FAM83F: variants seen among roughly 807,000 people sequenced by gnomAD.
The protein encoded by FAM83F is protein FAM83F.
A neutral mutation model predicts 42.9 loss-of-function variants in FAM83F; 45 were observed. The ratio of observed to expected loss-of-function variants is 1.05; its 90% CI spans 0.83 to 1.35. The LOEUF (loss-of-function observed/expected upper bound fraction) is 1.35. Ranked by LOEUF, FAM83F falls within the 40% of genes most tolerant of loss-of-function variation. FAM83F has a pLI of 0.00. For synonymous variants in FAM83F, 306 were observed against 298.3 expected, an observed-to-expected ratio of 1.03 and a Z score of -0.27; for missense variants, 617 against 695.9, an observed-to-expected ratio of 0.89 and a Z score of 1.28.
At chr22:40,007,159 A>C (rs182336132) in intron 1 of FAM83F, among the ~76,000 whole-genome samples, 270 of 150,256 alleles carry the variant, frequency 1.8e-3, no homozygotes, top group African/African-American at 6.5e-3. Flanking sequence ...GAGGAAGTTA[A>C]AGGGGTGCTC....
At position 40,005,160 on chromosome 22, in the gene FAM83F, A is replaced by G. The variant is rs557815827; in HGVS notation, c.489+9629A>G. ...TCAGCACCTCCCAGGCAAACTGCCA[A>G]CTCCATTTGTCTTACCCTGATAGAT... On this transcript the variant is annotated intron_variant, in intron 1 of 4. Coordinates refer to ENST00000333407, the MANE Select transcript of FAM83F (RefSeq NM_138435.4). Among the ~76,000 whole-genome samples the G allele has an allele frequency of 1.6e-3, 244 of 152,216 alleles. 1 individual carries two copies. Among genetic ancestry groups the G allele is most frequent in the African/African-American group, 5.6e-3 (233 of 41,534 alleles).
chr22:40,011,326 A>G (rs1377359650), intron 1 of FAM83F, among the ~76,000 whole-genome samples: 1 of 152,078 alleles, frequency 6.6e-6, no homozygotes, highest in Non-Finnish European at 1.5e-5. Flanking sequence ...CTGGGATTAC[A>G]GGTGTGCGCC....
At chr22:40,028,848 T>G (rs1373996420) in intron 4 of FAM83F, among the ~76,000 whole-genome samples, 2 of 152,240 alleles carry the variant, frequency 1.3e-5, no homozygotes, top group Non-Finnish European at 2.9e-5. Flanking sequence ...CAGCCTTTCC[T>G]GAGGCGCCAG....
In FAM83F at chr22:40,021,649, C is replaced by T. The variant is rs375725780; in HGVS notation, c.1139C>T (p.Thr380Met). ...RLESFLKDLV[T>M]VEQVLPPVEP... The stretch of plus-strand genomic sequence containing the variant: ...GAGAGCTTCCTGAAAGACCTGGTTA[C>T]GGTGGAGCAGGTGCTGCCCCCCGTG... The change falls in exon 4 of 5, where the codon ACG becomes ATG. Residue 380 changes from threonine to methionine, a missense_variant. Transcript: ENST00000333407. The surrounding 1 kb of genome is among the most constrained non-coding windows in gnomAD (Gnocchi z 8.7). The T allele has an allele frequency of 2.7e-5, 44 of 1,605,232 alleles. No individual in the cohort carries two copies. The highest frequency in any genetic ancestry group is 9.0e-5 in the East Asian group (4 of 44,650).
chr22:40,021,566 C>T lies in FAM83F; in HGVS notation c.1056C>T (p.Gly352=), dbSNP rs763939183. ...RWAARQQREA[G]GNPEGQEEGA... ...CTGCCCGGCAACAGCGGGAGGCGGG[C>T]GGCAACCCGGAGGGGCAGGAGGAGG... Residue 352 remains glycine (G), a synonymous_variant, in exon 4 of 5, where the codon GGC becomes GGT. Coordinates refer to ENST00000333407, the MANE Select transcript of FAM83F (RefSeq NM_138435.4). This position sits in a 1 kb window ranked among gnomAD's most constrained non-coding sequence, Gnocchi z 8.7. 7 of 1,562,354 alleles carry T rather than the reference C, an allele frequency of 4.5e-6. No homozygotes were observed. Among genetic ancestry groups the T allele is most frequent in the African/African-American group, 1.4e-5 (1 of 73,250 alleles).
intron 1 of FAM83F, among the ~76,000 whole-genome samples, chr22:40,004,671 C>A (rs1382035602): frequency 6.6e-6 from 1 of 152,166 alleles, no homozygotes; most frequent in Non-Finnish European, 1.5e-5. Flanking sequence ...CTCCTGACCT[C>A]AAGTGATCCA....
At chr22:40,006,213 C>T (rs2067427704) in intron 1 of FAM83F, among the ~76,000 whole-genome samples, 1 of 151,402 alleles carries the variant, frequency 6.6e-6, no homozygotes, top group Non-Finnish European at 1.5e-5. Flanking sequence ...GCACTCCAGC[C>T]TGGGCAACAG....
At position 40,015,742 on chromosome 22, in the gene FAM83F, A is replaced by G. The variant is rs181210305; in HGVS notation, c.490-3426A>G. On this transcript the variant is annotated intron_variant, in intron 1 of 4. Coordinates refer to ENST00000333407, the MANE Select transcript of FAM83F (RefSeq NM_138435.4). ...GTCTTATCCTCCCCTGGCTAGAAGT[A>G]ATCTCTCCGCTCACCCACTCACCCC... 1.2e-3 allele frequency among the ~76,000 whole-genome samples: 176 copies of G among 152,310 alleles called. 2 individuals are homozygous for G. Among genetic ancestry groups the G allele is most frequent in the African/African-American group, 4.0e-3 (165 of 41,566 alleles).
rs577843447 is a variant in FAM83F, at chr22:40,040,614, G to C, written c.*11049G>C. ...ATTTAGAAGGTGAGACAGACACAAG[G>C]GATGTGTTGCACAGTAAATGCTCCC... On this transcript the variant is annotated 3_prime_UTR_variant, in exon 5 of 5. Transcript: ENST00000333407. 1 of 152,202 alleles carries C rather than the reference G, an allele frequency of 6.6e-6. No individual in the cohort carries two copies. Among genetic ancestry groups the C allele is most frequent in the Non-Finnish European group, 1.5e-5 (1 of 68,040 alleles). The allele number at this position is 152,202 out of a possible 1,614,324, so 9.4% of individuals were successfully genotyped here. A position where few individuals can be genotyped will look rare whatever the true frequency, so the allele number is the denominator to read the frequency against.
At chr22:40,002,914 C>T (rs983615873) in intron 1 of FAM83F, among the ~76,000 whole-genome samples, 10 of 152,242 alleles carry the variant, frequency 6.6e-5, no homozygotes, top group Admixed American at 3.3e-4. Flanking sequence ...GAGATATTTT[C>T]CCTGAGGCTC....
At position 40,033,778 on chromosome 22, in the gene FAM83F, T is replaced by C. The variant is rs1047861695; in HGVS notation, c.*4213T>C. 6.6e-6 allele frequency: 1 copy of C among 152,258 alleles called. No homozygotes were observed. Among genetic ancestry groups the C allele is most frequent in the Non-Finnish European group, 1.5e-5 (1 of 68,070 alleles). The allele number at this position is 152,258 out of a possible 1,614,324, so 9.4% of individuals were successfully genotyped here. The stretch of plus-strand genomic sequence containing the variant: ...AATGCACTCTCTGCCCTGGGTACCT[T>C]GGACACAGCACCCTGGCCCAGAGAG... On this transcript the variant is annotated 3_prime_UTR_variant, in exon 5 of 5. Transcript: ENST00000333407.
intron 3 of FAM83F, 48 bp downstream of exon 3, chr22:40,020,056 G>T (rs759971816): frequency 2.2e-5 from 35 of 1,574,286 alleles, no homozygotes; most frequent in Admixed American, 3.8e-5. Flanking sequence ...TTGATTCCAG[G>T]TAGGTGTTCA....
Position 39,995,037 on chromosome 22 carries a change from G to A in FAM83F, c.-6G>A, listed in dbSNP as rs1033160174. 46 of 1,269,528 alleles carry A rather than the reference G, an allele frequency of 3.6e-5. No individual in the cohort carries two copies. The highest frequency in any genetic ancestry group is 4.3e-5 in the Non-Finnish European group (43 of 1,010,436). The allele number at this position is 1,269,528 out of a possible 1,614,324, so 78.6% of individuals were successfully genotyped here. On this transcript the variant is annotated 5_prime_UTR_variant, in exon 1 of 5. Coordinates refer to ENST00000333407, the MANE Select transcript of FAM83F (RefSeq NM_138435.4). The surrounding 1 kb of genome is among the most constrained non-coding windows in gnomAD (Gnocchi z 4.6). ...GGGCCAGGGCCGGGGCCGGGGCCGG[G>A]GCGCCATGGCCGAGTCCCAGCTGAA...
intron 1 of FAM83F, among the ~76,000 whole-genome samples, chr22:40,011,520 C>G (rs904545857): frequency 6.6e-6 from 1 of 152,170 alleles, no homozygotes; most frequent in Non-Finnish European, 1.5e-5. Context: ...AGTTCACTTT[C>G]CTCTCATTTC....
At chr22:40,022,455 C>A (rs915542616) in intron 4 of FAM83F, among the ~76,000 whole-genome samples, 1 of 152,160 alleles carries the variant, frequency 6.6e-6, no homozygotes, top group Non-Finnish European at 1.5e-5. Context: ...AGGATCTCAC[C>A]TGGTTAGACA....
chr22:39,995,620 G>A lies in FAM83F; in HGVS notation c.489+89G>A, dbSNP rs942482593. 3.5e-6 allele frequency: 5 copies of A among 1,439,626 alleles called. No homozygotes were observed. The highest frequency in any genetic ancestry group is 4.6e-6 in the Non-Finnish European group (5 of 1,097,772). The allele number at this position is 1,439,626 out of a possible 1,614,324, so 89.2% of individuals were successfully genotyped here. A position where few individuals can be genotyped will look rare whatever the true frequency, so the allele number is the denominator to read the frequency against. On this transcript the variant is annotated intron_variant, in intron 1 of 4. Coordinates refer to ENST00000333407, the MANE Select transcript of FAM83F (RefSeq NM_138435.4). The surrounding 1 kb of genome is among the most constrained non-coding windows in gnomAD (Gnocchi z 4.6). ...CACCTCCCAGGCAGGGCCCGGGGCA[G>A]GCCGCCCTGAGCACCCTCTGGAAAA... is the stretch of plus-strand genomic sequence containing the variant.
rs967856270 is a variant in FAM83F, at chr22:40,031,002, C to G, written c.*1437C>G. On this transcript the variant is annotated 3_prime_UTR_variant, in exon 5 of 5. Transcript: ENST00000333407. ...TTCTGAGGAAGCAGGAAGTGGGGAC[C>G]ACATGTGGCGGCCATTGAGGAGATG... The G allele has an allele frequency of 6.6e-6, 1 of 152,032 alleles. No homozygotes were observed. The highest frequency in any genetic ancestry group is 1.5e-5 in the Non-Finnish European group (1 of 68,052). The allele number at this position is 152,032 out of a possible 1,614,324, so 9.4% of individuals were successfully genotyped here. A position where few individuals can be genotyped will look rare whatever the true frequency, so the allele number is the denominator to read the frequency against.
At chr22:40,008,729 C>T (rs951012243) in intron 1 of FAM83F, among the ~76,000 whole-genome samples, 5 of 152,168 alleles carry the variant, frequency 3.3e-5, no homozygotes, top group African/African-American at 1.2e-4. Flanking sequence ...ATCTTCAATA[C>T]GCATACCCAC....
rs2067618253 is a variant in FAM83F at position 40,035,578 on chromosome 22, G to C, written c.*6013G>C. 1 of 152,296 alleles carries C rather than the reference G, an allele frequency of 6.6e-6. No individual in the cohort carries two copies. Among genetic ancestry groups the C allele is most frequent in the African/African-American group, 2.4e-5 (1 of 41,454 alleles). The allele number at this position is 152,296 out of a possible 1,614,324, so 9.4% of individuals were successfully genotyped here. On this transcript the variant is annotated 3_prime_UTR_variant, in exon 5 of 5. Transcript: ENST00000333407. ...TGGGGATCCATGGTGAGCGAGGAAGGCATGGTATTGAAGTGGTATGCCTGC... is the reference window on the plus strand; with the variant it reads ...TGGGGATCCATGGTGAGCGAGGAAGCCATGGTATTGAAGTGGTATGCCTGC...
Sources: gnomAD v4.1 joint callset for allele counts (sites outside exome capture counted in the v4.1 genomes callset) on GRCh38, gnomAD v4.1.1 for gene constraint, Gnocchi (gnomAD v3.1) non-coding constraint, MANE v1.5 for transcripts, NCBI Gene and HGNC (gene_info 2026-07-23, HGNC 2026-07-21) for gene names.